The following PRAM1 variants were observed in gnomAD, a reference collection of about 807,000 sequenced individuals.
PRAM1 encodes the protein PML-RARA-regulated adapter molecule 1.
PRAM1 carries 41 observed loss-of-function variants against 55.3 expected under a neutral mutation model. The observed-to-expected ratio is 0.74, with a 90% CI of 0.58 to 0.96. The LOEUF (loss-of-function observed/expected upper bound fraction) is 0.96. Ranked by LOEUF, PRAM1 falls within the 40% of genes least tolerant of loss-of-function variation. The pLI is 0.00. For missense variants in PRAM1, 898 were observed against 892.7 expected, an observed-to-expected ratio of 1.01 and a Z score of -0.08; for synonymous variants, 401 against 387.1, an observed-to-expected ratio of 1.04 and a Z score of -0.42.
At position 8,498,086 on chromosome 19, in the gene PRAM1, G is replaced by T; in HGVS notation, c.1499+137C>A. The T allele has an allele frequency of 8.5e-6, 8 of 941,040 alleles. No homozygotes were observed. In the Admixed American group the frequency reaches 1.4e-4, roughly 17 times the overall value. 58.3% of individuals were successfully genotyped at this position (941,040 alleles called of 1,614,324 possible). A position where few individuals can be genotyped will look rare whatever the true frequency, so the allele number is the denominator to read the frequency against. ...TAGTAGACGGGGTTTCACCACGTTGGCCAGGCTGTTGTCGAACTCCTGACT... is the reference window on the plus strand; with the variant it reads ...TAGTAGACGGGGTTTCACCACGTTGTCCAGGCTGTTGTCGAACTCCTGACT... On this transcript the variant is annotated intron_variant, in intron 3 of 9. Transcript: ENST00000423345.
At position 8,490,724 on chromosome 19, in the gene PRAM1, C is replaced by G; in HGVS notation, c.1776G>C (p.Met592Ile). 6.2e-7 allele frequency: 1 copy of G among 1,611,310 alleles called. No homozygotes were observed. The highest frequency in any genetic ancestry group is 8.5e-7 in the Non-Finnish European group (1 of 1,179,668). ...GTGTCTTAGCGTTGGGGTCGATCAT[C>G]ATCTTCGTGTGAACCACGATCTCCC... ...FEGEIVVHTK[M>I]MIDPNAKTRR... The change falls in exon 7 of 10, where the codon ATG becomes ATC. Residue 592 changes from methionine (M) to isoleucine (I), a missense_variant. Transcript: ENST00000423345. The surrounding 1 kb of genome is among the most constrained non-coding windows in gnomAD (Gnocchi z 7.3).
In PRAM1 at chr19:8,490,530, G is replaced by A. The variant is rs1474520081; in HGVS notation, c.1907-21C>T. ...GCCATCTGTGGAGAGAGTGGGCATG[G>A]TGGGTTCTGAGGCCCAGGGTGGCGG... On this transcript the variant is annotated intron_variant, in intron 7 of 9. Transcript: ENST00000423345. The surrounding 1 kb of genome is among the most constrained non-coding windows in gnomAD (Gnocchi z 7.3). The A allele has an allele frequency of 1.2e-6, 2 of 1,608,166 alleles. No individual in the cohort carries two copies. The highest frequency in any genetic ancestry group is 1.7e-6 in the Non-Finnish European group (2 of 1,177,500).
rs577816974 is a variant in PRAM1, at chr19:8,499,776, C to T, written c.32G>A (p.Ser11Asn). 24 of 1,597,582 alleles carry T rather than the reference C, an allele frequency of 1.5e-5. No homozygotes were observed. The highest frequency in any genetic ancestry group is 1.9e-5 in the Non-Finnish European group (22 of 1,172,266). ...TTTGATGCTCCGGAAGTCCTGATGG[C>T]TCTCCTAGGAGACGCAGAGCCAATG... Reference protein sequence around the residue: MAHHLPAAMESHQDFRSIKAK... With the variant: MAHHLPAAMENHQDFRSIKAK... Residue 11 changes from serine to asparagine, a missense_variant, in exon 2 of 10, where the codon AGC becomes AAC. Transcript: ENST00000423345.
chr19:8,498,320 G>A (rs750707134), intron 2 of PRAM1, 31 bp from the exon 3 acceptor site: 3 of 1,603,154 alleles, frequency 1.9e-6, no homozygotes, highest in African/African-American at 1.3e-5. Flanking sequence ...CAGGGAAGCC[G>A]GCACTGCCTG....
intron 4 of PRAM1, among the ~76,000 whole-genome samples, chr19:8,492,454 G>A (rs1211234938): frequency 2.9e-5 from 4 of 136,730 alleles, no homozygotes; most frequent in African/African-American, 8.2e-5. Flanking sequence ...ATGAGGTTTC[G>A]TCATGTTGGC....
At position 8,490,540 on chromosome 19, in the gene PRAM1, AGGCCCAGGGT is replaced by A. The variant is rs1971603007; in HGVS notation, c.1907-41_1907-32del. 6.2e-7 allele frequency: 1 copy of A among 1,605,826 alleles called. No homozygotes were observed. The highest frequency in any genetic ancestry group is 8.5e-7 in the Non-Finnish European group (1 of 1,176,554). ...GAGAGAGTGGGCATGGTGGGTTCTG[AGGCCCAGGGT>A]GGCGGCGGGGACCTCCCGGGGCTGC... is the stretch of plus-strand genomic sequence containing the variant. On this transcript the variant is annotated intron_variant, in intron 7 of 9. Transcript: ENST00000423345. The surrounding 1 kb of genome is among the most constrained non-coding windows in gnomAD (Gnocchi z 7.3).
intron 4 of PRAM1, among the ~76,000 whole-genome samples, chr19:8,496,894 T>C (rs1397728782): frequency 2.6e-5 from 4 of 151,874 alleles, no homozygotes; most frequent in South Asian, 2.1e-4. Context: ...GGCGCGGTGG[T>C]GGGTGCCTGT....
chr19:8,493,182 G>A lies in PRAM1; in HGVS notation c.1577-2025C>T, dbSNP rs1971652733. On this transcript the variant is annotated intron_variant, in intron 4 of 9. Transcript: ENST00000423345. This position sits in a 1 kb window ranked among gnomAD's most constrained non-coding sequence, Gnocchi z 4.1. Reference sequence around the variant, plus strand: ...GCCAAGGAATTGGCTTCAGGTGGGAGCCCCAGGAACCCTGGTGAGTGAAAG... The same window carrying A: ...GCCAAGGAATTGGCTTCAGGTGGGAACCCCAGGAACCCTGGTGAGTGAAAG... Among the ~76,000 whole-genome samples the A allele has an allele frequency of 6.6e-6, 1 of 152,116 alleles. No individual in the cohort carries two copies. Among genetic ancestry groups the A allele is most frequent in the Non-Finnish European group, 1.5e-5 (1 of 68,016 alleles).
rs1971718758 is a variant in PRAM1, at chr19:8,497,775, G to C, written c.1565C>G (p.Pro522Arg). 6.2e-7 allele frequency: 1 copy of C among 1,611,176 alleles called. No homozygotes were observed. The highest frequency in any genetic ancestry group is 8.5e-7 in the Non-Finnish European group (1 of 1,179,102). Residue 522 changes from proline to arginine, a missense_variant, in exon 4 of 10, where the codon CCC (proline) becomes CGC (arginine). Physicochemically the swap from Pro to Arg is moderately radical, Grantham distance 103. Transcript: ENST00000423345. ...VEPRDDSSPS[P>R]KGRDEAPSVQ... Reference sequence around the variant, plus strand: ...GGCCACCAACAAACCTCTGCCCTTGGGGCTGGGGCTGGAGTCATCTCTGGG... The same window carrying C: ...GGCCACCAACAAACCTCTGCCCTTGCGGCTGGGGCTGGAGTCATCTCTGGG...
At chr19:8,492,741 C>T (rs1971647141) in intron 4 of PRAM1, among the ~76,000 whole-genome samples, 1 of 152,014 alleles carries the variant, frequency 6.6e-6, no homozygotes, top group South Asian at 2.1e-4. Flanking sequence ...TCATGCCTGT[C>T]ATCCCAGCAC....
chr19:8,500,590 C>G (rs1337174856), intron 1 of PRAM1, among the ~76,000 whole-genome samples: 1 of 152,028 alleles, frequency 6.6e-6, no homozygotes, highest in Non-Finnish European at 1.5e-5. Context: ...GAACCAGCCT[C>G]CCTACCCAGC....
Position 8,493,928 on chromosome 19 carries a change from G to C in PRAM1, c.1577-2771C>G, listed in dbSNP as rs192273163. 3.5e-4 allele frequency among the ~76,000 whole-genome samples: 53 copies of C among 152,206 alleles called. No homozygotes were observed. The East Asian group carries it at 0.01, about 29-fold the overall frequency. On this transcript the variant is annotated intron_variant, in intron 4 of 9. Transcript: ENST00000423345. The surrounding 1 kb of genome is among the most constrained non-coding windows in gnomAD (Gnocchi z 4.1). ...TCCTCCCACCTCAGCCTCCCCAGAA[G>C]CTGGGACTACAGGTGTGCAACACCA...
intron 4 of PRAM1, 96 bp downstream of exon 4, chr19:8,497,668 G>A (rs1191490740): frequency 2.0e-6 from 2 of 986,722 alleles, no homozygotes; most frequent in African/African-American, 1.7e-5. Flanking sequence ...GGAGCCAGCA[G>A]GTCCTAAAAT....
rs1282669770 is a variant in PRAM1 at position 8,490,202 on chromosome 19, G to A, written c.2000C>T (p.Pro667Leu). 2 of 1,591,732 alleles carry A rather than the reference G, an allele frequency of 1.3e-6. No individual in the cohort carries two copies. Among genetic ancestry groups the A allele is most frequent in the Non-Finnish European group, 8.6e-7 (1 of 1,168,236 alleles). ...FCDPLENQPLPLGR is the reference protein window; with the variant it reads ...FCDPLENQPLLLGR ...CGCCTACCGGTCTTACCGTCCCAGG[G>A]GGAGTGGTTGGTTTTCCAGGGGATC... is the stretch of plus-strand genomic sequence containing the variant. The change falls in exon 10 of 10, where the codon CCC becomes CTC. Residue 667 changes from proline (P) to leucine (L), a missense_variant. This residue lies in a region of PRAM1 where 787 missense variants were observed against 735.4 expected (regional missense o/e 1.07). Transcript: ENST00000423345. The surrounding 1 kb of genome is among the most constrained non-coding windows in gnomAD (Gnocchi z 7.3).
chr19:8,490,908 CCT>C lies in PRAM1; in HGVS notation c.1720_1721del (p.Arg574GlyfsTer9). Reference sequence around the variant, plus strand: ...TCACCTTGAACTTCTTCCGGAACTCCCTCTCGGCCTTCTCTGCCTTCCTCAGC... The same window carrying C: ...TCACCTTGAACTTCTTCCGGAACTCCCTCGGCCTTCTCTGCCTTCCTCAGC... Reference protein sequence around the residue: ...KQLRKAEKAEREFRKKFKFEG... With the variant: ...KQLRKAEKAEXEFRKKFKFEG... On this transcript the variant is annotated frameshift_variant, in exon 6 of 10. Coordinates refer to ENST00000423345, the MANE Select transcript of PRAM1 (RefSeq NM_032152.5). LOFTEE classifies it high-confidence loss of function. This position sits in a 1 kb window ranked among gnomAD's most constrained non-coding sequence, Gnocchi z 7.3. 3 of 1,613,642 alleles carry C rather than the reference CCT, an allele frequency of 1.9e-6. No individual in the cohort carries two copies. The highest frequency in any genetic ancestry group is 2.5e-6 in the Non-Finnish European group (3 of 1,179,882).
rs199906588 is a variant in PRAM1, at chr19:8,492,921, T to G, written c.1577-1764A>C. ...CTGAGGCAGGAGAATCGCCGGAACC[T>G]GGGAGCTGGAGGTTGCAGTGAGTCA... is the stretch of plus-strand genomic sequence containing the variant. On this transcript the variant is annotated intron_variant, in intron 4 of 9. Transcript: ENST00000423345. Among the ~76,000 whole-genome samples the G allele has an allele frequency of 3.6e-4, 55 of 152,208 alleles. No homozygotes were observed. In the East Asian group the frequency reaches 0.01, roughly 29 times the overall value.
rs775549516 is a variant in PRAM1 at position 8,499,778 on chromosome 19, C to T, written c.30G>A (p.Glu10=). Residue 10 remains glutamate (E), a splice_region_variant and synonymous_variant, in exon 2 of 10, where the codon GAG becomes GAA. Transcript: ENST00000423345. ...TGATGCTCCGGAAGTCCTGATGGCT[C>T]TCCTAGGAGACGCAGAGCCAATGAG... MAHHLPAAM[E]SHQDFRSIKA... is the part of the protein sequence containing the mutation. The T allele has an allele frequency of 4.4e-6, 7 of 1,595,818 alleles. No individual in the cohort carries two copies. The South Asian group carries it at 4.5e-5, about 10-fold the overall frequency.
rs769940505 is a variant in PRAM1 at position 8,490,269 on chromosome 19, G to C, written c.1976-43C>G. 1 of 1,612,930 alleles carries C rather than the reference G, an allele frequency of 6.2e-7. No homozygotes were observed. The highest frequency in any genetic ancestry group is 8.5e-7 in the Non-Finnish European group (1 of 1,179,436). On this transcript the variant is annotated intron_variant, in intron 9 of 9. Transcript: ENST00000423345. The surrounding 1 kb of genome is among the most constrained non-coding windows in gnomAD (Gnocchi z 7.3). ...CTTCCATGGACCCCTCTCCCCAGAA[G>C]CCCAATAGTGAGCAGCGCCCCCGGG...
chr19:8,491,136 T>G lies in PRAM1; in HGVS notation c.1598A>C (p.Gln533Pro), dbSNP rs1208545996. 1 of 1,611,864 alleles carries G rather than the reference T, an allele frequency of 6.2e-7. No homozygotes were observed. The highest frequency in any genetic ancestry group is 8.5e-7 in the Non-Finnish European group (1 of 1,179,784). ...GTCTTGTGGTGGCCTCCTGGCGGCTTGCTGAACTGAGGGCGCTTCATCTGG... is the reference window on the plus strand; with the variant it reads ...GTCTTGTGGTGGCCTCCTGGCGGCTGGCTGAACTGAGGGCGCTTCATCTGG... Reference protein sequence around the residue: ...KGRDEAPSVQQAARRPPQDPA... With the variant: ...KGRDEAPSVQPAARRPPQDPA... Residue 533 changes from glutamine (Q) to proline (P), a missense_variant, in exon 5 of 10, where the codon CAA becomes CCA. Around this residue, in one of 4 missense-constraint regions of PRAM1, gnomAD observed 787 missense variants for 735.4 expected, o/e 1.07. Coordinates refer to ENST00000423345, the MANE Select transcript of PRAM1 (RefSeq NM_032152.5).
Sources: gnomAD v4.1 joint callset for allele counts (sites outside exome capture counted in the v4.1 genomes callset) on GRCh38, gnomAD v4.1.1 for gene constraint, gnomAD v4.1.1 regional missense constraint, Gnocchi (gnomAD v3.1) non-coding constraint, MANE v1.5 for transcripts, NCBI Gene and HGNC (gene_info 2026-07-23, HGNC 2026-07-21) for gene names.